The following ZNF568 variants were observed in gnomAD, a reference collection of about 807,000 sequenced individuals.
The protein encoded by ZNF568 is p53 inhibitor of SCO2 activation.
ZNF568 carries 11 observed loss-of-function variants against 18.1 expected under a neutral mutation model. That is an observed-to-expected ratio of 0.61 (90% CI 0.38 to 1.00). ZNF568 has a LOEUF of 1.00. ZNF568 is among the 50% of genes least tolerant of loss of function. ZNF568 has a pLI of 0.01. For missense variants in ZNF568, 639 were observed against 768.2 expected (o/e 0.83, Z 1.99); for synonymous variants, 213 against 246.6 (o/e 0.86, Z 1.28).
chr19:36,975,702 T>TTTTTTTTTTGG (rs1460212271), intron 7 of ZNF568, among the ~76,000 whole-genome samples: 1 of 141,674 alleles, frequency 7.1e-6, no homozygotes, highest in African/African-American at 2.7e-5. Context: ...TTTTTTTTTT[T>TTTTTTTTTTGG]GAGACAGAGT....
intron 2 of ZNF568, among the ~76,000 whole-genome samples, chr19:36,988,983 A>G (rs1623796): frequency 0.53 from 81,104 of 151,972 alleles, 22,171 homozygotes; most frequent in African/African-American, 0.62. Context: ...CCCACTGACC[A>G]ACCTCTCGCG....
In ZNF568 at chr19:36,950,278, A is replaced by T. The variant is rs2074036087; in HGVS notation, c.1125A>T (p.Ser375=). The T allele has an allele frequency of 6.2e-7, 1 of 1,613,980 alleles. No homozygotes were observed. The highest frequency in any genetic ancestry group is 1.7e-5 in the Admixed American group (1 of 60,002). ...NECGRAFSRM[S]SVTLHMRSHT... ...GTGGTAGAGCTTTTTCTCGAATGTC[A>T]TCTGTTACGCTACATATGAGAAGTC... The change falls in exon 7 of 7, where the codon TCA becomes TCT. Residue 375 remains serine, a synonymous_variant. Transcript: ENST00000333987.
intron 6 of ZNF568, among the ~76,000 whole-genome samples, chr19:36,971,405 T>C (rs1399550894): frequency 6.6e-6 from 1 of 152,110 alleles, no homozygotes; most frequent in East Asian, 1.9e-4. Flanking sequence ...AAACTAGAAA[T>C]ACTTAAGAAT....
downstream of ZNF568, chr19:36,997,732 T>C: frequency 1.4e-6 from 1 of 729,442 alleles, no homozygotes; most frequent in Admixed American, 2.7e-5. Flanking sequence ...AAATGAGGGA[T>C]GGCTCAGAAT....
In ZNF568 at chr19:36,970,050, C is replaced by T. The variant is rs929929234; in HGVS notation, c.359-4370C>T. The stretch of plus-strand genomic sequence containing the variant: ...AGTGCTGGATTACAAGCATGAGCCA[C>T]GATGCCTGGCCTCCATCTCAAGATT... On this transcript the variant is annotated intron_variant, in intron 6 of 7. Coordinates refer to the ZNF568 transcript ENST00000427117. Among the ~76,000 whole-genome samples the T allele has an allele frequency of 6.5e-5, 8 of 123,810 alleles. 3 individuals carry two copies. The highest frequency in any genetic ancestry group is 2.6e-4 in the African/African-American group (8 of 31,308). The allele number at this position is 123,810 out of a possible 152,430, so 81.2% of individuals were successfully genotyped here. A position where few individuals can be genotyped will look rare whatever the true frequency, so the allele number is the denominator to read the frequency against.
At chr19:36,944,733 G>A (rs917163751) in intron 6 of ZNF568, among the ~76,000 whole-genome samples, 2 of 152,080 alleles carry the variant, frequency 1.3e-5, no homozygotes, top group Admixed American at 6.5e-5. Flanking sequence ...TCCAGACATT[G>A]CCCAGTGACC....
intron 6 of ZNF568, among the ~76,000 whole-genome samples, chr19:36,964,093 T>C (rs2074175643): frequency 1.3e-5 from 2 of 152,062 alleles, no homozygotes. Context: ...TGTGAAATAT[T>C]ACTTTCTTGT....
At position 36,916,492 on chromosome 19, in the gene ZNF568, A is replaced by AG. The variant is rs1259185683; in HGVS notation, c.-350dup. 1 of 152,396 alleles carries AG rather than the reference A, an allele frequency of 6.6e-6. No individual in the cohort carries two copies. Among genetic ancestry groups the AG allele is most frequent in the Non-Finnish European group, 1.5e-5 (1 of 68,166 alleles). The allele number at this position is 152,396 out of a possible 1,614,324, so 9.4% of individuals were successfully genotyped here. On this transcript the variant is annotated 5_prime_UTR_variant, in exon 1 of 7. It introduces an in-frame stop codon into an upstream open reading frame of the 5' UTR. Transcript: ENST00000333987. This position sits in a 1 kb window ranked among gnomAD's most constrained non-coding sequence, Gnocchi z 5.3. ...GGTGACGCTGCCGAGTCCCCGCAGCAGGGGGCGAGCAAGGGACTCGCGGTT... is the reference window on the plus strand; with the variant it reads ...GGTGACGCTGCCGAGTCCCCGCAGCAGGGGGGCGAGCAAGGGACTCGCGGTT...
intron 2 of ZNF568, among the ~76,000 whole-genome samples, chr19:36,985,511 GTTT>G (rs1568407697): frequency 2.3e-3 from 85 of 36,406 alleles, no homozygotes; most frequent in African/African-American, 9.5e-3. Flanking sequence ...TTGTTTGTTT[GTTT>G]GTTTTGTTTT....
chr19:36,976,702 A>G (rs1667339), intron 7 of ZNF568, among the ~76,000 whole-genome samples: 82,599 of 151,462 alleles, frequency 0.55, 23,155 homozygotes, highest in African/African-American at 0.66. Context: ...CCTGAGGTCG[A>G]GAGTTCAAGA....
chr19:36,986,081 G>A lies in ZNF568; in HGVS notation c.10-5095G>A, dbSNP rs141134184. Among the ~76,000 whole-genome samples, 38 of 152,234 alleles carry A rather than the reference G, an allele frequency of 2.5e-4. No homozygotes were observed. The East Asian group carries it at 7.1e-3, about 29-fold the overall frequency. ...AGGACCACCATAAAGTAAACACATG[G>A]CAAGTTTTTTAGATCCACCTTAGTA... On this transcript the variant is annotated intron_variant, in intron 2 of 4. Coordinates refer to the ZNF568 transcript ENST00000433993.
chr19:36,927,813 A>T (rs1295715492), intron 4 of ZNF568, among the ~76,000 whole-genome samples: 2 of 126,500 alleles, frequency 1.6e-5, no homozygotes, highest in African/African-American at 6.4e-5. Context: ...ATATATAAAA[A>T]ATATATAAAT....
chr19:36,940,144 C>T (rs879617463), intron 6 of ZNF568, among the ~76,000 whole-genome samples: 1 of 152,132 alleles, frequency 6.6e-6, no homozygotes, highest in Admixed American at 6.6e-5. Flanking sequence ...CCTCAGAGTA[C>T]CTTCATGCTA....
At chr19:36,947,085 G>A (rs1392382919) in intron 6 of ZNF568, among the ~76,000 whole-genome samples, 1 of 151,572 alleles carries the variant, frequency 6.6e-6, no homozygotes, top group African/African-American at 2.4e-5. Context: ...GCACGATCTC[G>A]GCTCACTGCA....
intron 2 of ZNF568, among the ~76,000 whole-genome samples, chr19:36,920,037 G>A (rs491326): frequency 0.41 from 61,886 of 151,760 alleles, 13,061 homozygotes; most frequent in Non-Finnish European, 0.44. Flanking sequence ...AGGTATTCCA[G>A]AAGAAGGCAT....
chr19:36,948,109 T>A (rs887636396), intron 6 of ZNF568, among the ~76,000 whole-genome samples: 2 of 152,216 alleles, frequency 1.3e-5, no homozygotes, highest in Non-Finnish European at 2.9e-5. Context: ...ATACTTTCAC[T>A]GTCCTAAAAC....
At chr19:36,980,225 T>C (rs1361727063), downstream of ZNF568, 2 of 152,216 alleles carry the variant, frequency 1.3e-5, no homozygotes, top group Non-Finnish European at 2.9e-5. Context: ...CCTTCAAATT[T>C]AATGCTGTTT....
chr19:36,925,771 A>C (rs948285373), intron 4 of ZNF568, among the ~76,000 whole-genome samples: 1 of 152,186 alleles, frequency 6.6e-6, no homozygotes, highest in South Asian at 2.1e-4. Flanking sequence ...AACTATTTAC[A>C]TAGAAATCAC....
chr19:36,966,650 A>G (rs1372428794), intron 6 of ZNF568, among the ~76,000 whole-genome samples: 1 of 152,208 alleles, frequency 6.6e-6, no homozygotes, highest in Admixed American at 6.5e-5. Flanking sequence ...AAGCTTTGTC[A>G]GTAGAGGGTG....
Sources: gnomAD v4.1 joint callset for allele counts (sites outside exome capture counted in the v4.1 genomes callset) on GRCh38, gnomAD v4.1.1 for gene constraint, Gnocchi (gnomAD v3.1) non-coding constraint, MANE v1.5 for transcripts, NCBI Gene and HGNC (gene_info 2026-07-23, HGNC 2026-07-21) for gene names.